SLC16A2: variants seen among roughly 807,000 people sequenced by gnomAD.
SLC16A2 encodes the protein monocarboxylate transporter 8.
Under a neutral mutation model 27.2 loss-of-function variants are expected in SLC16A2, and 3 were observed. The observed-to-expected ratio is 0.11, with a 90% CI of 0.05 to 0.28. SLC16A2 has a LOEUF of 0.28. SLC16A2 is among the 10% of genes least tolerant of loss of function. SLC16A2 has a pLI of 1.00. For synonymous variants in SLC16A2, 202 were observed against 187.8 expected, an observed-to-expected ratio of 1.08 and a Z score of -0.62; for missense variants, 295 against 458.5, an observed-to-expected ratio of 0.64 and a Z score of 3.26.
intron 1 of SLC16A2, among the ~76,000 whole-genome samples, chrX:74,427,202 G>A (rs1258809680): frequency 8.9e-6 from 1 of 112,484 alleles, no homozygotes; most frequent in Non-Finnish European, 1.9e-5. Context: ...TGCATAGTCA[G>A]TGTGACCTTG....
intron 1 of SLC16A2, among the ~76,000 whole-genome samples, chrX:74,485,216 CA>C (rs762055288): frequency 0.067 from 2,487 of 37,321 alleles, 26 homozygotes; most frequent in African/African-American, 0.085. Context: ...AATGCCATCT[CA>C]AAAAAAAAAA....
intron 1 of SLC16A2, among the ~76,000 whole-genome samples, chrX:74,477,794 A>T (rs1246398811): frequency 1.8e-5 from 2 of 111,908 alleles, no homozygotes; most frequent in Non-Finnish European, 3.8e-5. Context: ...AGTGGTTTTG[A>T]GTGAGTTTCT....
chrX:74,453,809 G>A (rs181810937), intron 1 of SLC16A2, among the ~76,000 whole-genome samples: 31 of 111,245 alleles, frequency 2.8e-4, no homozygotes, highest in African/African-American at 9.5e-4. Context: ...TGATCTTCTC[G>A]TGCTTCCCAA....
intron 1 of SLC16A2, among the ~76,000 whole-genome samples, chrX:74,456,363 A>T (rs756077918): frequency 9.0e-6 from 1 of 111,632 alleles, no homozygotes; most frequent in South Asian, 3.8e-4. Context: ...TTTCTACCTT[A>T]GTTCCCTGGG....
chrX:74,441,203 G>A (rs900094537), intron 1 of SLC16A2, among the ~76,000 whole-genome samples: 4 of 111,074 alleles, frequency 3.6e-5, no homozygotes, highest in South Asian at 3.8e-4. Context: ...GATTACAGGC[G>A]TCCACCACCA....
At chrX:74,496,595 G>T (rs1014885264) in intron 1 of SLC16A2, among the ~76,000 whole-genome samples, 14 of 112,141 alleles carry the variant, frequency 1.2e-4, no homozygotes, top group Admixed American at 2.8e-4. Context: ...CCCATCTCAG[G>T]TGCTCAAGAA....
intron 1 of SLC16A2, among the ~76,000 whole-genome samples, chrX:74,470,869 C>T (rs1259301092): frequency 1.8e-5 from 2 of 110,508 alleles, no homozygotes; most frequent in African/African-American, 3.3e-5. Context: ...ACCCAGGAGG[C>T]GGAGCTTGCA....
chrX:74,511,948 C>T lies in SLC16A2; in HGVS notation c.431-9042C>T, dbSNP rs933897142. Among the ~76,000 whole-genome samples the T allele has an allele frequency of 2.1e-4, 23 of 112,023 alleles. No homozygotes were observed. The Admixed American group carries it at 2.2e-3, about 11-fold the overall frequency. On this transcript the variant is annotated intron_variant, in intron 1 of 5. Transcript: ENST00000587091. The stretch of plus-strand genomic sequence containing the variant: ...CCGCAGAGATAAGGGCTCCTGTTAT[C>T]TCAGTCCCCAAAGAAGAACAGAGTC...
At chrX:74,422,167 C>T in intron 1 of SLC16A2, 100 bp downstream of exon 1, 1 of 851,297 alleles carries the variant, frequency 1.2e-6, no homozygotes, top group Non-Finnish European at 1.7e-6. Context: ...CCCTCCAACG[C>T]GCCTCTCCGA....
chrX:74,453,533 A>AT (rs1383432496), intron 1 of SLC16A2, among the ~76,000 whole-genome samples: 4 of 110,364 alleles, frequency 3.6e-5, no homozygotes, highest in Non-Finnish European at 7.6e-5. Context: ...GGTCATATTT[A>AT]TTTTTTTTCA....
chrX:74,421,668 G>A lies in SLC16A2; in HGVS notation c.31G>A (p.Ala11Thr), dbSNP rs1928296056. ...GCTGCAAAGCCAGGCGAGCGAGGAA[G>A]CAAAGGGGCCCTGGCAGGAGGCAGA... MALQSQASEEAKGPWQEADQE... is the reference protein window; with the variant it reads MALQSQASEETKGPWQEADQE... The change falls in exon 1 of 6, where the codon GCA becomes ACA. Residue 11 changes from alanine (A) to threonine (T), a missense_variant. Around this residue, in one of 3 missense-constraint regions of SLC16A2, gnomAD observed 92 missense variants for 85.1 expected, o/e 1.08. Transcript: ENST00000587091. 3.3e-6 allele frequency: 4 copies of A among 1,202,571 alleles called. No homozygotes were observed. The highest frequency in any genetic ancestry group is 4.5e-6 in the Non-Finnish European group (4 of 892,888).
intron 1 of SLC16A2, among the ~76,000 whole-genome samples, chrX:74,465,179 T>C (rs1313480028): frequency 8.9e-6 from 1 of 112,311 alleles, no homozygotes; most frequent in Non-Finnish European, 1.9e-5. Context: ...ATACTTGTAT[T>C]TCACTCTTAT....
At chrX:74,530,168 T>C (rs1447132422) in intron 5 of SLC16A2, among the ~76,000 whole-genome samples, 1 of 103,256 alleles carries the variant, frequency 9.7e-6, no homozygotes, top group Non-Finnish European at 2.0e-5. Flanking sequence ...CTTGGCTATC[T>C]CAGCTCATTG....
chrX:74,471,765 C>T (rs1396330090), intron 1 of SLC16A2, among the ~76,000 whole-genome samples: 1 of 111,762 alleles, frequency 8.9e-6, no homozygotes, highest in Non-Finnish European at 1.9e-5. Context: ...AGTACTTTTT[C>T]ATCTTCCCAA....
At chrX:74,461,746 A>G (rs1929150018) in intron 1 of SLC16A2, among the ~76,000 whole-genome samples, 1 of 111,816 alleles carries the variant, frequency 8.9e-6, no homozygotes, top group African/African-American at 3.3e-5. Context: ...TATCATTACC[A>G]AATTTTAAAA....
intron 1 of SLC16A2, among the ~76,000 whole-genome samples, chrX:74,439,181 TTTC>T (rs1928681777): frequency 2.0e-5 from 2 of 100,287 alleles, no homozygotes; most frequent in South Asian, 1.0e-3. Flanking sequence ...TCTTTCTTTC[TTTC>T]TTTTTCTTTC....
At chrX:74,518,754 T>C (rs1353328913) in intron 1 of SLC16A2, among the ~76,000 whole-genome samples, 1 of 111,994 alleles carries the variant, frequency 8.9e-6, no homozygotes, top group African/African-American at 3.2e-5. Context: ...TGTAATTGTG[T>C]AATCTCTGTT....
chrX:74,467,071 G>C (rs1206764310), intron 1 of SLC16A2, among the ~76,000 whole-genome samples: 1 of 112,093 alleles, frequency 8.9e-6, no homozygotes, highest in African/African-American at 3.2e-5. Context: ...CTCTGCCAGA[G>C]AGAGAGGTAT....
intron 1 of SLC16A2, among the ~76,000 whole-genome samples, chrX:74,487,087 A>C (rs1039930922): frequency 2.9e-5 from 3 of 102,725 alleles, no homozygotes; most frequent in African/African-American, 1.1e-4. Flanking sequence ...CAGGAACTTT[A>C]TTTATTTATT....
Sources: gnomAD v4.1 joint callset for allele counts (sites outside exome capture counted in the v4.1 genomes callset) on GRCh38, gnomAD v4.1.1 for gene constraint, gnomAD v4.1.1 regional missense constraint, MANE v1.5 for transcripts, NCBI Gene and HGNC (gene_info 2026-07-23, HGNC 2026-07-21) for gene names.